The following CCDC171 variants were observed in gnomAD, a reference collection of about 807,000 sequenced individuals.
CCDC171 encodes coiled-coil domain-containing protein 171.
A neutral mutation model predicts 168.2 loss-of-function variants in CCDC171; 177 were observed. The ratio of observed to expected loss-of-function variants is 1.05; its 90% CI spans 0.93 to 1.19. The LOEUF (loss-of-function observed/expected upper bound fraction) is 1.19, where lower values mean the gene tolerates loss of function less well. Among genes scored for constraint, CCDC171 ranks in the 50% most tolerant of loss-of-function variants. The pLI, the probability that CCDC171 is intolerant of heterozygous loss-of-function variation, is 0.00. For missense variants in CCDC171, 1,991 were observed against 1,539.0 expected, an observed-to-expected ratio of 1.29 and a Z score of -4.91; for synonymous variants, 687 against 540.8, an observed-to-expected ratio of 1.27 and a Z score of -3.75.
intron 24 of CCDC171, among the ~76,000 whole-genome samples, chr9:15,879,112 C>T (rs1292912382): frequency 6.6e-6 from 1 of 152,064 alleles, no homozygotes; most frequent in Admixed American, 6.6e-5. Context: ...ACCTCTAAAC[C>T]TAAAATAAAA....
chr9:15,687,201 T>G (rs969621484), intron 10 of CCDC171, among the ~76,000 whole-genome samples: 11 of 152,076 alleles, frequency 7.2e-5, no homozygotes, highest in Admixed American at 2.0e-4. Flanking sequence ...AGAAAACACT[T>G]TGAGATGAGT....
intron 7 of CCDC171, among the ~76,000 whole-genome samples, chr9:15,641,520 A>C (rs1219324077): frequency 6.6e-6 from 1 of 152,206 alleles, no homozygotes; most frequent in African/African-American, 2.4e-5. Context: ...CATAGAACCA[A>C]ATGTGACGTG....
intron 24 of CCDC171, among the ~76,000 whole-genome samples, chr9:15,904,256 A>C (rs1822164777): frequency 6.6e-6 from 1 of 152,210 alleles, no homozygotes; most frequent in Non-Finnish European, 1.5e-5. Flanking sequence ...GAAGGAAAAA[A>C]TGTTAAGGGC....
chr9:15,999,517 A>T (rs1403370071), intron 3 of CCDC171, among the ~76,000 whole-genome samples: 2 of 152,086 alleles, frequency 1.3e-5, no homozygotes, highest in Non-Finnish European at 2.9e-5. Flanking sequence ...CGCAGCTCGG[A>T]CCTCTCTATC....
At chr9:15,591,317 GTTA>G in intron 4 of CCDC171, 46 bp from the exon 5 acceptor site, 1 of 1,212,430 alleles carries the variant, frequency 8.2e-7, no homozygotes, top group Admixed American at 2.5e-5. Context: ...GGGGCTCCTT[GTTA>G]TTTAATTCAT....
At chr9:15,840,195 A>G (rs1232529114) in intron 21 of CCDC171, among the ~76,000 whole-genome samples, 1 of 152,106 alleles carries the variant, frequency 6.6e-6, no homozygotes, top group Admixed American at 6.5e-5. Flanking sequence ...TTTTTTCAAC[A>G]AAGTTTTTTA....
chr9:15,978,261 C>A (rs532377448), downstream of CCDC171, among the ~76,000 whole-genome samples: 2 of 152,136 alleles, frequency 1.3e-5, no homozygotes. Flanking sequence ...GCTCTGAAGA[C>A]GATTTAGAGA....
intron 16 of CCDC171, among the ~76,000 whole-genome samples, chr9:15,733,789 G>T (rs142850323): frequency 9.2e-5 from 14 of 151,780 alleles, no homozygotes; most frequent in Admixed American, 2.0e-4. Context: ...TTCTCTTTTT[G>T]AGACACTTTC....
intron 6 of CCDC171, among the ~76,000 whole-genome samples, chr9:15,600,954 C>G (rs1225659200): frequency 3.3e-5 from 5 of 152,192 alleles, no homozygotes; most frequent in Non-Finnish European, 5.9e-5. Context: ...GATACAATCT[C>G]CTGGTGTGCC....
chr9:15,943,521 A>G (rs1827956838), intron 25 of CCDC171, among the ~76,000 whole-genome samples: 3 of 152,010 alleles, frequency 2.0e-5, no homozygotes, highest in Admixed American at 2.0e-4. Flanking sequence ...AGGTCTAAGT[A>G]TATTTTTGAT....
intron 21 of CCDC171, among the ~76,000 whole-genome samples, chr9:15,790,566 A>G (rs368687383): frequency 6.6e-6 from 1 of 152,140 alleles, no homozygotes; most frequent in Admixed American, 6.6e-5. Context: ...CTCTGATGGT[A>G]GTTTCTTTTG....
chr9:15,816,323 G>T lies in CCDC171; in HGVS notation c.3268-30379G>T, dbSNP rs557376227. Among the ~76,000 whole-genome samples the T allele has an allele frequency of 1.4e-4, 16 of 116,422 alleles. 4 individuals carry two copies. Among genetic ancestry groups the T allele is most frequent in the Admixed American group, 1.3e-3 (16 of 12,282 alleles). The allele number at this position is 116,422 out of a possible 152,430, so 76.4% of individuals were successfully genotyped here. A position where few individuals can be genotyped will look rare whatever the true frequency, so the allele number is the denominator to read the frequency against. On this transcript the variant is annotated intron_variant, in intron 21 of 25. Transcript: ENST00000380701. ...TATATTAGTTTTTTAAATTAAACCT[G>T]CTTAAGTAAGAAAAAAATTAAAAAC... is the stretch of plus-strand genomic sequence containing the variant.
At chr9:15,961,495 A>G (rs1294789581) in intron 25 of CCDC171, among the ~76,000 whole-genome samples, 1 of 152,164 alleles carries the variant, frequency 6.6e-6, no homozygotes. Flanking sequence ...TAGAGGAACA[A>G]ATTACTCAGT....
At chr9:15,955,276 G>C (rs564890074) in intron 25 of CCDC171, among the ~76,000 whole-genome samples, 25 of 152,204 alleles carry the variant, frequency 1.6e-4, no homozygotes, top group East Asian at 1.4e-3. Flanking sequence ...GGTCCCAAAG[G>C]GGGGAAAAGA....
At chr9:16,087,663 G>C in the CCDC171 span, among the ~76,000 whole-genome samples, 1 of 137,350 alleles carries the variant, frequency 7.3e-6, no homozygotes, top group East Asian at 2.4e-4. Flanking sequence ...TGGGTCTGTT[G>C]AATACAGCAC....
At chr9:15,628,316 C>A (rs398178) in intron 7 of CCDC171, among the ~76,000 whole-genome samples, 8,215 of 152,248 alleles carry the variant, frequency 0.054, 268 homozygotes, top group African/African-American at 0.088. Flanking sequence ...AATCGGGTCA[C>A]TCCCACCCCA....
At chr9:15,969,209 A>G (rs531856338) in intron 25 of CCDC171, among the ~76,000 whole-genome samples, 26 of 152,342 alleles carry the variant, frequency 1.7e-4, no homozygotes, top group Admixed American at 4.6e-4. Flanking sequence ...CTTTCAGACG[A>G]CATAGTGGAA....
rs776428245 is a variant in CCDC171, at chr9:15,578,872, T to A, written c.201T>A (p.Ile67=). The change falls in exon 4 of 26, where the codon ATT becomes ATA. Residue 67 remains isoleucine (I), a synonymous_variant. Transcript: ENST00000380701. ...NAELASYESQ[I]AKLRSEVEKG... ...AGCTGGCAAGCTATGAGAGCCAGAT[T>A]GCCAAGCTACGGTCCGAGGTTGAAA... 21 of 1,613,426 alleles carry A rather than the reference T, an allele frequency of 1.3e-5. No individual in the cohort carries two copies. The Admixed American group carries it at 3.5e-4, about 27-fold the overall frequency.
intron 22 of CCDC171, among the ~76,000 whole-genome samples, chr9:15,847,939 C>G (rs998776892): frequency 6.6e-6 from 1 of 151,974 alleles, no homozygotes; most frequent in Non-Finnish European, 1.5e-5. Context: ...CATTGCACCA[C>G]CATCTGAGGT....
Sources: gnomAD v4.1 joint callset for allele counts (sites outside exome capture counted in the v4.1 genomes callset) on GRCh38, gnomAD v4.1.1 for gene constraint, MANE v1.5 for transcripts, NCBI Gene and HGNC (gene_info 2026-07-23, HGNC 2026-07-21) for gene names.